The following HNRNPK variants were observed in gnomAD, a reference collection of about 807,000 sequenced individuals.
HNRNPK encodes heterogeneous nuclear ribonucleoprotein K, also known as dC-stretch binding protein.
HNRNPK carries 7 observed loss-of-function variants against 67.0 expected under a neutral mutation model. The ratio of observed to expected loss-of-function variants is 0.10; its 90% CI spans 0.06 to 0.20. HNRNPK has a LOEUF of 0.20. HNRNPK is among the 10% of genes least tolerant of loss of function. The pLI is 1.00. For synonymous variants in HNRNPK, 213 were observed against 193.7 expected (o/e 1.10, Z -0.83); for missense variants, 264 against 606.5 (o/e 0.44, Z 5.93).
At chr9:83,978,511 T>C (rs902884551) in intron 1 of HNRNPK, 59 bp from the exon 2 acceptor site, 7 of 460,280 alleles carry the variant, frequency 1.5e-5, no homozygotes, top group African/African-American at 1.4e-4. Context: ...TGAATATTTG[T>C]TTCCGATCAC....
In HNRNPK at chr9:83,973,275, T is replaced by TA; in HGVS notation, c.516+10_516+11insT. ...CCAGCAAAGAATACGGCAGAATTTT[T>TA]TTTTTTTTACCTCTCGAAGTTCTTT... is the stretch of plus-strand genomic sequence containing the variant. On this transcript the variant is annotated intron_variant, in intron 9 of 16. Transcript: ENST00000376263. The TA allele has an allele frequency of 6.8e-7, 1 of 1,477,818 alleles. No homozygotes were observed. Among genetic ancestry groups the TA allele is most frequent in the Non-Finnish European group, 9.4e-7 (1 of 1,061,826 alleles). 91.5% of individuals were successfully genotyped at this position (1,477,818 alleles called of 1,614,324 possible).
At chr9:83,975,106 T>C (rs745980378) in intron 6 of HNRNPK, among the ~76,000 whole-genome samples, 17 of 152,126 alleles carry the variant, frequency 1.1e-4, no homozygotes, top group Middle Eastern at 3.2e-3. Flanking sequence ...TGAAGGAAAG[T>C]GAACCAGAGT....
intron 8 of HNRNPK, among the ~76,000 whole-genome samples, chr9:83,973,668 ATT>A (rs1956952573): frequency 6.6e-6 from 1 of 152,194 alleles, no homozygotes; most frequent in African/African-American, 2.4e-5. Context: ...CCACAAAATT[ATT>A]ATTAACATTC....
At chr9:83,979,885 C>G (rs1957299659) in intron 1 of HNRNPK, among the ~76,000 whole-genome samples, 1 of 152,210 alleles carries the variant, frequency 6.6e-6, no homozygotes, top group African/African-American at 2.4e-5. Context: ...CTCCTTTCCT[C>G]CACGAGGTCC....
At position 83,971,849 on chromosome 9, in the gene HNRNPK, GAAAAAACAACAACAACAA is replaced by G. The variant is rs1956859825; in HGVS notation, c.953+15_953+32del. The G allele has an allele frequency of 1.3e-6, 2 of 1,559,290 alleles. No homozygotes were observed. Among genetic ancestry groups the G allele is most frequent in the South Asian group, 1.2e-5 (1 of 83,610 alleles). Reference sequence around the variant, plus strand: ...GGTTAATAATTCATAGATGGGGGAAGAAAAAACAACAACAACAAAAAAAACAACTTACCCCCCTCTAGG... The same window carrying G: ...GGTTAATAATTCATAGATGGGGGAAGAAAAAACAACTTACCCCCCTCTAGG... On this transcript the variant is annotated intron_variant, in intron 11 of 16. Coordinates refer to ENST00000376263, the MANE Select transcript of HNRNPK (RefSeq NM_031263.4).
At chr9:83,972,225 G>A (rs1956878810) in intron 10 of HNRNPK, 36 bp from the exon 11 acceptor site, 7 of 1,467,006 alleles carry the variant, frequency 4.8e-6, no homozygotes, top group South Asian at 1.3e-5. Flanking sequence ...ACAGACTGAA[G>A]AAAAAGAGTC....
chr9:83,972,299 A>C (rs752687368), intron 10 of HNRNPK, 110 bp from the exon 11 acceptor site: 1 of 775,820 alleles, frequency 1.3e-6, no homozygotes, highest in African/African-American at 1.8e-5. Context: ...CCCCATCAGG[A>C]GGTACTAGAG....
chr9:83,971,933 C>G lies in HNRNPK; in HGVS notation c.902G>C (p.Gly301Ala), dbSNP rs1956864374. ...PPPPGRGGRGGSRARNLPLPP... is the reference protein window; with the variant it reads ...PPPPGRGGRGASRARNLPLPP... ...AAGAGGAAGATTCCGAGCTCTGCTACCACCCCGGCCGCCTCGTCCGGGAGG... is the reference window on the plus strand; with the variant it reads ...AAGAGGAAGATTCCGAGCTCTGCTAGCACCCCGGCCGCCTCGTCCGGGAGG... Residue 301 changes from glycine to alanine, a missense_variant, in exon 11 of 17, where the codon GGT becomes GCT. Physicochemically the swap from Gly to Ala is moderately conservative, Grantham distance 60 (BLOSUM62 0). This residue lies in a region of HNRNPK where 142 missense variants were observed against 256.5 expected (regional missense o/e 0.55). Transcript: ENST00000376263. 1 of 1,586,556 alleles carries G rather than the reference C, an allele frequency of 6.3e-7. No homozygotes were observed. Among genetic ancestry groups the G allele is most frequent in the Admixed American group, 1.8e-5 (1 of 56,750 alleles).
intron 5 of HNRNPK, 115 bp downstream of exon 5, chr9:83,976,880 T>C: frequency 1.6e-6 from 1 of 622,172 alleles, no homozygotes; most frequent in Non-Finnish European, 2.8e-6. Context: ...AATAAATTAT[T>C]ACAAATGTCT....
Position 83,971,176 on chromosome 9 carries a change from T to C in HNRNPK, c.1092+97A>G, listed in dbSNP as rs1452446437. ...ACCAAAGTCCTCCTGTATCCTATTT[T>C]CAGTAAGTATCCTCAGGGGAATAAA... On this transcript the variant is annotated intron_variant, in intron 13 of 16. Coordinates refer to ENST00000376263, the MANE Select transcript of HNRNPK (RefSeq NM_031263.4). The C allele has an allele frequency of 3.3e-6, 3 of 908,974 alleles. No homozygotes were observed. The East Asian group carries it at 7.2e-5, about 22-fold the overall frequency. The allele number at this position is 908,974 out of a possible 1,614,324, so 56.3% of individuals were successfully genotyped here. A position where few individuals can be genotyped will look rare whatever the true frequency, so the allele number is the denominator to read the frequency against.
intron 4 of HNRNPK, 35 bp from the exon 5 acceptor site, chr9:83,977,086 C>G (rs755955180): frequency 6.5e-7 from 1 of 1,531,034 alleles, no homozygotes; most frequent in Non-Finnish European, 9.0e-7. Context: ...ATTATTTTGC[C>G]TTTCCCTAAA....
chr9:83,977,169 A>T, intron 4 of HNRNPK, 118 bp from the exon 5 acceptor site: 23 of 703,044 alleles, frequency 3.3e-5, no homozygotes, highest in East Asian at 1.4e-4. Context: ...ATAAAAATCT[A>T]TTTGGGGTTG....
rs114033269 is a variant in HNRNPK, at chr9:83,976,737, G to A, written c.213+258C>T. On this transcript the variant is annotated intron_variant, in intron 5 of 16. Coordinates refer to ENST00000376263, the MANE Select transcript of HNRNPK (RefSeq NM_031263.4). The stretch of plus-strand genomic sequence containing the variant: ...CTATTTCTAATTAAGATGTTATCTT[G>A]CTTGATGAAGTGAATAATTTGGTGG... 989 of 334,742 alleles carry A rather than the reference G, an allele frequency of 3.0e-3. 14 individuals carry two copies. The highest frequency in any genetic ancestry group is 0.02 in the African/African-American group (930 of 47,384). The allele number at this position is 334,742 out of a possible 1,614,324, so 20.7% of individuals were successfully genotyped here.
intron 12 of HNRNPK, 146 bp downstream of exon 12, chr9:83,971,526 A>G (rs1956841137): frequency 1.2e-6 from 1 of 820,662 alleles, no homozygotes; most frequent in East Asian, 2.4e-5. Context: ...CTCCAGCAGC[A>G]AATAACAGAA....
At position 83,978,235 on chromosome 9, in the gene HNRNPK, T is replaced by C. The variant is rs1302499863; in HGVS notation, c.18A>G (p.Pro6=). METEQ[P]EETFPNTETN... ...TTTCAGTGTTAGGGAAGGTTTCTTC[T>C]GGCTGTTCAGTTTCCATATTCTTTT... is the stretch of plus-strand genomic sequence containing the variant. The change falls in exon 3 of 17, where the codon CCA becomes CCG. Residue 6 remains proline (P), a synonymous_variant. Transcript: ENST00000376263. The C allele has an allele frequency of 8.1e-6, 13 of 1,612,880 alleles. No individual in the cohort carries two copies. The highest frequency in any genetic ancestry group is 1.7e-4 in the Middle Eastern group (1 of 6,020).
At chr9:83,978,543 A>C (rs1957179105) in intron 1 of HNRNPK, 91 bp from the exon 2 acceptor site, 2 of 282,814 alleles carry the variant, frequency 7.1e-6, no homozygotes, top group Admixed American at 5.4e-5. Context: ...ATTTGAACCC[A>C]AAAAACCAGC....
intron 9 of HNRNPK, 89 bp downstream of exon 9, chr9:83,973,195 TGA>T (rs1956932748): frequency 3.6e-6 from 3 of 840,572 alleles, no homozygotes; most frequent in Non-Finnish European, 6.0e-6. Context: ...TGGAGGGAAC[TGA>T]GAGGGGAAGC....
chr9:83,977,936 A>G (rs981610675), intron 3 of HNRNPK, 150 bp from the exon 4 acceptor site: 15 of 616,792 alleles, frequency 2.4e-5, no homozygotes, highest in African/African-American at 9.3e-5. Flanking sequence ...TCCATCTAGT[A>G]AAATGCACCA....
intron 1 of HNRNPK, among the ~76,000 whole-genome samples, chr9:83,979,476 C>T (rs1957253698): frequency 6.6e-6 from 1 of 152,248 alleles, no homozygotes; most frequent in Non-Finnish European, 1.5e-5. Flanking sequence ...CAAAAATCCG[C>T]TAAGTATGTG....
Sources: allele counts gnomAD v4.1 joint callset (sites outside exome capture counted in the v4.1 genomes callset), GRCh38; gene constraint gnomAD v4.1.1; regional missense constraint gnomAD v4.1.1; transcripts MANE v1.5; gene names NCBI Gene and HGNC (gene_info 2026-07-23, HGNC 2026-07-21).